Variants in ADHFE1 observed in about 807,000 individuals in gnomAD.
ADHFE1 encodes the protein hydroxyacid-oxoacid transhydrogenase, mitochondrial.
In ADHFE1, 37 loss-of-function variants were observed where a neutral mutation model predicts 54.8. The ratio of observed to expected loss-of-function variants is 0.68; its 90% CI spans 0.52 to 0.89. The LOEUF is 0.89. ADHFE1 is among the 40% of genes least tolerant of loss of function. The pLI is 0.00. For missense variants in ADHFE1, 601 were observed against 591.2 expected, an observed-to-expected ratio of 1.02 and a Z score of -0.17; for synonymous variants, 203 against 229.3, an observed-to-expected ratio of 0.89 and a Z score of 1.04.
At chr8:66,434,418 CT>C (rs1475577716) in intron 1 of ADHFE1, among the ~76,000 whole-genome samples, 9 of 99,596 alleles carry the variant, frequency 9.0e-5, no homozygotes, top group Non-Finnish European at 2.1e-4. Flanking sequence ...CCTAACAAAA[CT>C]CTAACCTAGA....
chr8:66,465,233 T>C (rs886318103), intron 13 of ADHFE1, among the ~76,000 whole-genome samples: 1 of 152,170 alleles, frequency 6.6e-6, no homozygotes, highest in African/African-American at 2.4e-5. Context: ...GGTATATACC[T>C]AGGAGTAGAA....
chr8:66,462,280 G>A (rs529325072), intron 13 of ADHFE1, among the ~76,000 whole-genome samples: 3 of 152,102 alleles, frequency 2.0e-5, no homozygotes, highest in African/African-American at 4.8e-5. Context: ...GATTTTTTCC[G>A]GAGGGAGGGA....
chr8:66,468,552 C>G lies in ADHFE1; in HGVS notation c.*200C>G. 1 of 362,798 alleles carries G rather than the reference C, an allele frequency of 2.8e-6. No individual in the cohort carries two copies. Among genetic ancestry groups the G allele is most frequent in the Non-Finnish European group, 5.0e-6 (1 of 201,372 alleles). The allele number at this position is 362,798 out of a possible 1,614,324, so 22.5% of individuals were successfully genotyped here. Reference sequence around the variant, plus strand: ...ATAAAACAGGCTGGACAAATGACCACTATGTTAGACCCCCAGGCTCGACTT... The same window carrying G: ...ATAAAACAGGCTGGACAAATGACCAGTATGTTAGACCCCCAGGCTCGACTT... On this transcript the variant is annotated 3_prime_UTR_variant, in exon 14 of 14. Coordinates refer to ENST00000396623, the MANE Select transcript of ADHFE1 (RefSeq NM_144650.3).
At chr8:66,432,647 A>G (rs2130309640) in intron 1 of ADHFE1, 72 bp downstream of exon 1, 1 of 1,251,786 alleles carries the variant, frequency 8.0e-7, no homozygotes, top group Non-Finnish European at 1.0e-6. Flanking sequence ...TGACCCGCTC[A>G]GATCCTGCGC....
chr8:66,458,265 G>A (rs76622187), intron 12 of ADHFE1, among the ~76,000 whole-genome samples: 2,522 of 152,292 alleles, frequency 0.017, 35 homozygotes, highest in Middle Eastern at 0.031. Context: ...TAGCCCAGCC[G>A]TTGGAGAGAT....
chr8:66,440,617 T>C (rs1479001523), intron 2 of ADHFE1, among the ~76,000 whole-genome samples: 6 of 152,230 alleles, frequency 3.9e-5, no homozygotes, highest in African/African-American at 1.4e-4. Flanking sequence ...AACTTGTTTG[T>C]ATCAGTCTTT....
At position 66,451,949 on chromosome 8, in the gene ADHFE1, T is replaced by G; in HGVS notation, c.735-4T>G. 6.2e-7 allele frequency: 1 copy of G among 1,613,094 alleles called. No individual in the cohort carries two copies. The highest frequency in any genetic ancestry group is 8.5e-7 in the Non-Finnish European group (1 of 1,179,624). On this transcript the variant is annotated splice_region_variant and splice_polypyrimidine_tract_variant and intron_variant, in intron 8 of 13. Coordinates refer to ENST00000396623, the MANE Select transcript of ADHFE1 (RefSeq NM_144650.3). Reference sequence around the variant, plus strand: ...ATCTGTGTACTTTCAATATTTCTTTTTAGCCATGCCCTGGAGTCATACACC... The same window carrying G: ...ATCTGTGTACTTTCAATATTTCTTTGTAGCCATGCCCTGGAGTCATACACC...
intron 10 of ADHFE1, among the ~76,000 whole-genome samples, chr8:66,454,935 C>T (rs1806499198): frequency 6.6e-6 from 1 of 152,038 alleles, no homozygotes; most frequent in Non-Finnish European, 1.5e-5. Context: ...CCTGGCTGGT[C>T]TCAAACTCCT....
In ADHFE1 at chr8:66,460,189, T is replaced by C. The variant is rs188052763; in HGVS notation, c.1163-119T>C. On this transcript the variant is annotated intron_variant, in intron 12 of 13. Transcript: ENST00000396623. Reference sequence around the variant, plus strand: ...CCTGGGGAGGCACACGATGGCCCCGTGCTGGGCGTTAGGGAGACCCCGTGG... The same window carrying C: ...CCTGGGGAGGCACACGATGGCCCCGCGCTGGGCGTTAGGGAGACCCCGTGG... 9.4e-4 allele frequency: 1,229 copies of C among 1,309,706 alleles called. 17 individuals are homozygous for C. In the Admixed American group the frequency reaches 0.022, roughly 23 times the overall value. 81.1% of individuals were successfully genotyped at this position (1,309,706 alleles called of 1,614,324 possible).
At chr8:66,464,093 ATGT>A (rs1256940023) in intron 13 of ADHFE1, among the ~76,000 whole-genome samples, 1 of 152,222 alleles carries the variant, frequency 6.6e-6, no homozygotes, top group East Asian at 1.9e-4. Context: ...GCCAGCTGAA[ATGT>A]TGTTATTTCA....
At position 66,452,109 on chromosome 8, in the gene ADHFE1, T is replaced by A. The variant is rs1468138054; in HGVS notation, c.887+4T>A. On this transcript the variant is annotated splice_donor_region_variant and intron_variant, in intron 9 of 13. Transcript: ENST00000396623. Reference sequence around the variant, plus strand: ...TCGTGGCTAAGTATCTGAAGAGGTATGTCACCCCGAAGGGGATAGAAATAG... The same window carrying A: ...TCGTGGCTAAGTATCTGAAGAGGTAAGTCACCCCGAAGGGGATAGAAATAG... The A allele has an allele frequency of 6.2e-7, 1 of 1,613,892 alleles. No homozygotes were observed. Among genetic ancestry groups the A allele is most frequent in the Admixed American group, 1.7e-5 (1 of 60,022 alleles).
At chr8:66,451,484 A>G (rs566249236) in intron 8 of ADHFE1, among the ~76,000 whole-genome samples, 1 of 152,234 alleles carries the variant, frequency 6.6e-6, no homozygotes, top group South Asian at 2.1e-4. Context: ...TGGGCAGCTG[A>G]CCCCAAAGTC....
In ADHFE1 at chr8:66,448,863, A is replaced by G. The variant is rs1350741862; in HGVS notation, c.629-2A>G. On this transcript the variant is annotated splice_acceptor_variant, in intron 7 of 13. Coordinates refer to ENST00000396623, the MANE Select transcript of ADHFE1 (RefSeq NM_144650.3). LOFTEE classifies it high-confidence loss of function. ...CCTCTACTGAAAATCCTTATGTTTT[A>G]GGCATCACTTCGAGAGCCATCAAAC... The G allele has an allele frequency of 5.0e-6, 8 of 1,613,216 alleles. No homozygotes were observed. Among genetic ancestry groups the G allele is most frequent in the Non-Finnish European group, 6.8e-6 (8 of 1,179,330 alleles).
chr8:66,460,312 C>G lies in ADHFE1; in HGVS notation c.1167C>G (p.Ala389=), dbSNP rs765749948. 1.9e-6 allele frequency: 3 copies of G among 1,614,038 alleles called. No homozygotes were observed. The highest frequency in any genetic ancestry group is 2.5e-6 in the Non-Finnish European group (3 of 1,180,000). ...RHLEMAEILG[A]DTRTARIQDA... The stretch of plus-strand genomic sequence containing the variant: ...TCAGCACTTTATGTCTTCTAGGAGC[C>G]GACACCCGCACTGCCAGGATCCAAG... Residue 389 remains alanine, a synonymous_variant, in exon 13 of 14, where the codon GCC becomes GCG. Transcript: ENST00000396623.
At chr8:66,434,261 T>G (rs140393423) in intron 1 of ADHFE1, among the ~76,000 whole-genome samples, 1 of 152,152 alleles carries the variant, frequency 6.6e-6, no homozygotes, top group African/African-American at 2.4e-5. Context: ...AGGAGGAAAA[T>G]GGCAACTTCA....
rs1191951473 is a variant in ADHFE1, at chr8:66,444,956, C to T, written c.353+208C>T. Among the ~76,000 whole-genome samples, 3 of 152,132 alleles carry T rather than the reference C, an allele frequency of 2.0e-5. No homozygotes were observed. In the East Asian group the frequency reaches 5.8e-4, roughly 29 times the overall value. The stretch of plus-strand genomic sequence containing the variant: ...TCTCTACTAAAAATACAAAAATTAG[C>T]CAGTCATGGTGGCAGGCACCTGTAA... On this transcript the variant is annotated intron_variant, in intron 5 of 13. Coordinates refer to ENST00000396623, the MANE Select transcript of ADHFE1 (RefSeq NM_144650.3).
chr8:66,459,358 G>C (rs1806760813), intron 12 of ADHFE1, among the ~76,000 whole-genome samples: 1 of 149,468 alleles, frequency 6.7e-6, no homozygotes, highest in Non-Finnish European at 1.5e-5. Context: ...CTCCCGCGTG[G>C]CTCTTCCAGA....
Position 66,448,843 on chromosome 8 carries a change from ACTGAAAATCC to A in ADHFE1, c.629-21_629-12del. The stretch of plus-strand genomic sequence containing the variant: ...AATGATGCCCATGGCTTTAGCCTCT[ACTGAAAATCC>A]TTATGTTTTAGGCATCACTTCGAGA... On this transcript the variant is annotated splice_polypyrimidine_tract_variant and intron_variant, in intron 7 of 13. Coordinates refer to ENST00000396623, the MANE Select transcript of ADHFE1 (RefSeq NM_144650.3). 1.2e-6 allele frequency: 2 copies of A among 1,601,378 alleles called. No homozygotes were observed. Among genetic ancestry groups the A allele is most frequent in the Non-Finnish European group, 1.7e-6 (2 of 1,169,962 alleles).
intron 6 of ADHFE1, among the ~76,000 whole-genome samples, chr8:66,446,758 G>A (rs977092718): frequency 6.6e-6 from 1 of 152,142 alleles, no homozygotes; most frequent in African/African-American, 2.4e-5. Flanking sequence ...GTATGTTAAT[G>A]CAGACATGGA....
Sources: allele counts gnomAD v4.1 joint callset (sites outside exome capture counted in the v4.1 genomes callset), GRCh38; gene constraint gnomAD v4.1.1; transcripts MANE v1.5; gene names NCBI Gene and HGNC (gene_info 2026-07-23, HGNC 2026-07-21).